RMDN2: variants seen among roughly 807,000 people sequenced by gnomAD.
The protein encoded by RMDN2 is regulator of microtubule dynamics 2, also known as regulator of microtubule dynamics protein 2.
Under a neutral mutation model 52.8 loss-of-function variants are expected in RMDN2, and 61 were observed. The observed-to-expected ratio is 1.16, with a 90% CI of 0.94 to 1.43. The LOEUF (loss-of-function observed/expected upper bound fraction) is 1.43. RMDN2 is among the 40% of genes most tolerant of loss of function. The pLI is 0.00. For synonymous variants in RMDN2, 180 were observed against 153.1 expected (o/e 1.18, Z -1.30); for missense variants, 592 against 475.3 (o/e 1.25, Z -2.28).
chr2:37,989,020 G>T (rs1428447892), intron 5 of RMDN2, among the ~76,000 whole-genome samples: 1 of 152,018 alleles, frequency 6.6e-6, no homozygotes, highest in Non-Finnish European at 1.5e-5. Flanking sequence ...CTTTGATTTT[G>T]TTTTAATCGT....
At chr2:37,925,551 C>G (rs551212028) in intron 1 of RMDN2, 126 bp downstream of exon 1, 4 of 152,306 alleles carry the variant, frequency 2.6e-5, no homozygotes, top group African/African-American at 9.6e-5. Context: ...GTGTCCCTGG[C>G]GAAGCTTGAG....
At chr2:37,949,853 G>T (rs1355954488) in intron 2 of RMDN2, 1 of 153,516 alleles carries the variant, frequency 6.5e-6, no homozygotes, top group Non-Finnish European at 1.4e-5. Flanking sequence ...GATAAGAAAG[G>T]ACAGTGTTTC....
At chr2:37,957,305 C>T (rs1669605763) in intron 2 of RMDN2, among the ~76,000 whole-genome samples, 1 of 152,208 alleles carries the variant, frequency 6.6e-6, no homozygotes, top group Non-Finnish European at 1.5e-5. Context: ...TCTCCACATC[C>T]TCTCCAGCAT....
chr2:38,021,882 A>G (rs982367012), downstream of RMDN2, among the ~76,000 whole-genome samples: 1 of 152,332 alleles, frequency 6.6e-6, no homozygotes, highest in East Asian at 1.9e-4. Context: ...GCCACAAGCC[A>G]GTTACCAGTA....
chr2:37,989,406 C>A, intron 5 of RMDN2, 135 bp from the exon 6 acceptor site: 1 of 627,002 alleles, frequency 1.6e-6, no homozygotes, highest in Non-Finnish European at 2.9e-6. Context: ...ATTGTTAGGG[C>A]CCTTATATTT....
intron 7 of RMDN2, among the ~76,000 whole-genome samples, chr2:37,996,348 T>G (rs112746694): frequency 6.6e-5 from 10 of 151,932 alleles, no homozygotes; most frequent in African/African-American, 1.4e-4. Context: ...ACTTTGAGAG[T>G]CTGAGGCAGG....
At chr2:37,951,406 T>C in intron 2 of RMDN2, 2 of 1,612,724 alleles carry the variant, frequency 1.2e-6, no homozygotes, top group Non-Finnish European at 1.7e-6. Context: ...AGTAGAAGGT[T>C]ATTATCTGTA....
chr2:37,932,006 A>G (rs1666786481), intron 2 of RMDN2, among the ~76,000 whole-genome samples: 1 of 152,168 alleles, frequency 6.6e-6, no homozygotes. Context: ...GCAGACAAAC[A>G]GTTTGGATTT....
chr2:38,062,790 C>T (rs1558597080), intron 10 of RMDN2, among the ~76,000 whole-genome samples: 1 of 147,254 alleles, frequency 6.8e-6, no homozygotes, highest in Non-Finnish European at 1.5e-5. Context: ...ACAACAGTCC[C>T]CAGTGTGTGA....
intron 8 of RMDN2, among the ~76,000 whole-genome samples, chr2:38,003,246 C>T (rs1206122082): frequency 2.6e-5 from 4 of 152,146 alleles, no homozygotes; most frequent in Non-Finnish European, 5.9e-5. Context: ...TCATGCTCTA[C>T]TCTTATTTTC....
chr2:38,050,954 G>C (rs1681558642), intron 10 of RMDN2, among the ~76,000 whole-genome samples: 1 of 152,118 alleles, frequency 6.6e-6, no homozygotes, highest in Admixed American at 6.6e-5. Flanking sequence ...GTAGAGACCA[G>C]GTTTCACCAT....
In RMDN2 at chr2:37,935,901, CT is replaced by C. The variant is rs367628301; in HGVS notation, c.452+6178del. Among the ~76,000 whole-genome samples the C allele has an allele frequency of 8.0e-3, 1,210 of 151,916 alleles. 13 individuals are homozygous for C. The highest frequency in any genetic ancestry group is 0.028 in the African/African-American group (1,154 of 41,456). On this transcript the variant is annotated intron_variant, in intron 2 of 10. Coordinates refer to ENST00000354545, the MANE Select transcript of RMDN2 (RefSeq NM_001170791.3). The stretch of plus-strand genomic sequence containing the variant: ...TGTTTAGGTTATCATGTTTTTGCTC[CT>C]TTTTTCTTTTATTAACTTTAAGTTC...
At chr2:38,010,707 C>T (rs1215327992) in intron 10 of RMDN2, among the ~76,000 whole-genome samples, 1 of 152,182 alleles carries the variant, frequency 6.6e-6, no homozygotes, top group Admixed American at 6.5e-5. Flanking sequence ...CGGTGCACTG[C>T]AGCCACTGTC....
rs1666562320 is a variant in RMDN2, at chr2:37,929,668, C to G, written c.391C>G (p.Leu131Val). 2.0e-6 allele frequency: 3 copies of G among 1,536,890 alleles called. No homozygotes were observed. Among genetic ancestry groups the G allele is most frequent in the South Asian group, 2.5e-5 (2 of 79,702 alleles). The change falls in exon 2 of 11, where the codon CTC becomes GTC. Residue 131 changes from leucine to valine, a missense_variant. Coordinates refer to ENST00000354545, the MANE Select transcript of RMDN2 (RefSeq NM_001170791.3). ...TCAGCACAGAGCGAGAAAAAGAAGA[C>G]TCCCCACAATTCAAAGTTCAGCAAC... ...SPQHRARKRR[L>V]PTIQSSATSN... is the part of the protein sequence containing the mutation.
At chr2:37,968,438 CAAAAAAAA>C (rs71400332) in intron 2 of RMDN2, among the ~76,000 whole-genome samples, 9,646 of 89,314 alleles carry the variant, frequency 0.11, 450 homozygotes, top group African/African-American at 0.22. Context: ...GACTCTGTCT[CAAAAAAAA>C]AAAAAAAAAA....
intron 10 of RMDN2, among the ~76,000 whole-genome samples, chr2:38,051,010 A>T (rs1158555745): frequency 3.9e-5 from 6 of 152,170 alleles, no homozygotes; most frequent in Admixed American, 3.3e-4. Context: ...TGATCCGCCC[A>T]TCTCAGAGTT....
chr2:37,995,207 T>G (rs1054594033), intron 7 of RMDN2, among the ~76,000 whole-genome samples: 2 of 152,058 alleles, frequency 1.3e-5, no homozygotes, highest in African/African-American at 4.8e-5. Context: ...AAAGTAAACA[T>G]GTAGAAAAGT....
chr2:38,036,404 G>A (rs544243567), intron 10 of RMDN2: 2 of 152,340 alleles, frequency 1.3e-5, no homozygotes, highest in East Asian at 3.9e-4. Context: ...AGCCTTGTTT[G>A]TAACAGGCAC....
chr2:37,924,788 T>A (rs773288522), upstream of RMDN2, among the ~76,000 whole-genome samples: 2 of 152,308 alleles, frequency 1.3e-5, no homozygotes, highest in South Asian at 2.1e-4. Flanking sequence ...CAACTCGGAA[T>A]GGCGGGGAGA....
Sources: gnomAD v4.1 joint callset for allele counts (sites outside exome capture counted in the v4.1 genomes callset) on GRCh38, gnomAD v4.1.1 for gene constraint, MANE v1.5 for transcripts, NCBI Gene and HGNC (gene_info 2026-07-23, HGNC 2026-07-21) for gene names.